The following CD2AP variants were observed in gnomAD, a reference collection of about 807,000 sequenced individuals.
CD2AP encodes the protein CD2-associated protein.
A neutral mutation model predicts 85.1 loss-of-function variants in CD2AP; 46 were observed. That is an observed-to-expected ratio of 0.54 (90% CI 0.43 to 0.69). The LOEUF is 0.69. Ranked by LOEUF, CD2AP falls within the 30% of genes least tolerant of loss-of-function variation. The pLI is 0.00. For missense variants in CD2AP, 769 were observed against 729.5 expected (o/e 1.05, Z -0.62); for synonymous variants, 255 against 252.9 (o/e 1.01, Z -0.08).
intron 3 of CD2AP, among the ~76,000 whole-genome samples, chr6:47,538,387 G>A (rs946584707): frequency 6.6e-6 from 1 of 151,756 alleles, no homozygotes; most frequent in Non-Finnish European, 1.5e-5. Flanking sequence ...GATTACAGGC[G>A]TGCACCACCA....
chr6:47,611,926 A>G (rs1490365962), intron 16 of CD2AP, among the ~76,000 whole-genome samples: 1 of 152,120 alleles, frequency 6.6e-6, no homozygotes, highest in Non-Finnish European at 1.5e-5. Flanking sequence ...AAAAAGGACA[A>G]CTATATAGAA....
At chr6:47,583,198 C>T (rs1228007902) in intron 11 of CD2AP, among the ~76,000 whole-genome samples, 1 of 152,110 alleles carries the variant, frequency 6.6e-6, no homozygotes, top group Non-Finnish European at 1.5e-5. Flanking sequence ...CACAATTTTT[C>T]CCACTGTTAA....
At chr6:47,577,479 CA>C (rs1353440838) in intron 8 of CD2AP, among the ~76,000 whole-genome samples, 1 of 151,502 alleles carries the variant, frequency 6.6e-6, no homozygotes, top group East Asian at 1.9e-4. Context: ...GTAATGTAAA[CA>C]GAAGAAAAAT....
intron 3 of CD2AP, among the ~76,000 whole-genome samples, chr6:47,543,148 C>CAAAAAAAAAAA (rs11338409): frequency 3.1e-4 from 19 of 60,330 alleles, no homozygotes; most frequent in African/African-American, 7.0e-4. Flanking sequence ...AAGACTGTCT[C>CAAAAAAAAAAA]AAAAAAAAAA....
At chr6:47,575,559 T>G (rs555503871) in intron 6 of CD2AP, among the ~76,000 whole-genome samples, 2 of 152,272 alleles carry the variant, frequency 1.3e-5, no homozygotes, top group East Asian at 3.9e-4. Context: ...ATATGGTGTT[T>G]AGAGTTGGGG....
At chr6:47,487,210 AT>A (rs761676625) in intron 1 of CD2AP, among the ~76,000 whole-genome samples, 5 of 152,242 alleles carry the variant, frequency 3.3e-5, no homozygotes, top group Non-Finnish European at 5.9e-5. Context: ...GATCAAAACA[AT>A]TTTTTTAATG....
chr6:47,498,137 CATT>C (rs972117657), intron 1 of CD2AP, among the ~76,000 whole-genome samples: 123 of 152,300 alleles, frequency 8.1e-4, no homozygotes, highest in African/African-American at 2.8e-3. Context: ...TGCTGGATAA[CATT>C]ATGTAATTTC....
At chr6:47,572,916 G>C (rs184560212) in intron 5 of CD2AP, among the ~76,000 whole-genome samples, 62 of 152,220 alleles carry the variant, frequency 4.1e-4, no homozygotes, top group African/African-American at 1.4e-3. Flanking sequence ...TGTTCTTACT[G>C]TTATTTTTTA....
intron 4 of CD2AP, among the ~76,000 whole-genome samples, chr6:47,552,190 T>C (rs2114058451): frequency 6.6e-6 from 1 of 152,172 alleles, no homozygotes; most frequent in African/African-American, 2.4e-5. Context: ...CAGGTGGTGT[T>C]TGGTTAGATG....
intron 12 of CD2AP, among the ~76,000 whole-genome samples, chr6:47,597,916 C>T (rs1235457631): frequency 6.6e-6 from 1 of 150,780 alleles, no homozygotes; most frequent in African/African-American, 2.4e-5. Flanking sequence ...CCCACCCACC[C>T]AGGACAGTGA....
At position 47,513,743 on chromosome 6, in the gene CD2AP, T is replaced by C. The variant is rs1256282813; in HGVS notation, c.165+10303T>C. 2.0e-5 allele frequency among the ~76,000 whole-genome samples: 3 copies of C among 152,190 alleles called. No individual in the cohort carries two copies. The East Asian group carries it at 5.8e-4, about 29-fold the overall frequency. On this transcript the variant is annotated intron_variant, in intron 2 of 17. Transcript: ENST00000359314. ...GCTATTAGAACTTCAGTAAACATCT[T>C]TTTTGGGGTATGTGTACAGCTGAAG...
rs1442399043 is a variant in CD2AP, at chr6:47,564,074, A to G, written c.541+9308A>G. On this transcript the variant is annotated intron_variant, in intron 5 of 17. Coordinates refer to ENST00000359314, the MANE Select transcript of CD2AP (RefSeq NM_012120.3). ...ATGTACTTTCACTATTTTATGTTAC[A>G]TTTATTTGAGAGTACTCGATAACAA... 2.6e-5 allele frequency among the ~76,000 whole-genome samples: 4 copies of G among 152,166 alleles called. No homozygotes were observed. The East Asian group carries it at 5.8e-4, about 22-fold the overall frequency.
intron 1 of CD2AP, among the ~76,000 whole-genome samples, chr6:47,495,454 C>T (rs1414383989): frequency 6.6e-6 from 1 of 152,152 alleles, no homozygotes; most frequent in African/African-American, 2.4e-5. Flanking sequence ...ATTTTGCCCT[C>T]TCGCCTCCCG....
chr6:47,535,199 T>G (rs559766270), intron 3 of CD2AP, among the ~76,000 whole-genome samples: 1 of 152,216 alleles, frequency 6.6e-6, no homozygotes, highest in Non-Finnish European at 1.5e-5. Flanking sequence ...ACTATCCTGC[T>G]GTTCAAGGTC....
Position 47,554,853 on chromosome 6 carries a change from T to C in CD2AP, c.541+87T>C, listed in dbSNP as rs368366749. 1.4e-5 allele frequency: 19 copies of C among 1,355,326 alleles called. No homozygotes were observed. In the East Asian group the frequency reaches 1.5e-4, roughly 11 times the overall value. 84.0% of individuals were successfully genotyped at this position (1,355,326 alleles called of 1,614,324 possible). ...TATTTTGTATTTTTTGAAACTCTGT[T>C]CTTTCTTTTGAACTTTGAGTCAGCT... is the stretch of plus-strand genomic sequence containing the variant. On this transcript the variant is annotated intron_variant, in intron 5 of 17. Transcript: ENST00000359314.
intron 9 of CD2AP, among the ~76,000 whole-genome samples, chr6:47,580,552 G>A (rs915754214): frequency 1.2e-4 from 18 of 152,056 alleles, no homozygotes; most frequent in African/African-American, 4.1e-4. Flanking sequence ...ATGGTACTTA[G>A]GAATCTTAAC....
At position 47,554,731 on chromosome 6, in the gene CD2AP, A is replaced by G. The variant is rs776930343; in HGVS notation, c.506A>G (p.Asp169Gly). The G allele has an allele frequency of 6.2e-7, 1 of 1,613,672 alleles. No individual in the cohort carries two copies. Among genetic ancestry groups the G allele is most frequent in the Non-Finnish European group, 8.5e-7 (1 of 1,179,716 alleles). ...SNFVKELEVT[D>G]DGETHEAQDD... The stretch of plus-strand genomic sequence containing the variant: ...TTTGTGAAAGAATTAGAGGTAACAG[A>G]TGATGGTGAAACTCATGAAGCCCAG... The change falls in exon 5 of 18, where the codon GAT (aspartate) becomes GGT (glycine). Residue 169 changes from aspartate to glycine, a missense_variant. Coordinates refer to ENST00000359314, the MANE Select transcript of CD2AP (RefSeq NM_012120.3).
chr6:47,606,125 A>G lies in CD2AP; in HGVS notation c.1418-40A>G, dbSNP rs183024229. The G allele has an allele frequency of 2.3e-4, 244 of 1,039,376 alleles. 1 individual carries two copies. The African/African-American group carries it at 2.8e-3, about 12-fold the overall frequency. 64.4% of individuals were successfully genotyped at this position (1,039,376 alleles called of 1,614,324 possible). A position where few individuals can be genotyped will look rare whatever the true frequency, so the allele number is the denominator to read the frequency against. Reference sequence around the variant, plus strand: ...CATTATTTTTTACCTTTAAAAAGGTACAGTTCTCTTAGTAAATAATGTTTA... The same window carrying G: ...CATTATTTTTTACCTTTAAAAAGGTGCAGTTCTCTTAGTAAATAATGTTTA... On this transcript the variant is annotated intron_variant, in intron 13 of 17. Coordinates refer to ENST00000359314, the MANE Select transcript of CD2AP (RefSeq NM_012120.3).
intron 6 of CD2AP, among the ~76,000 whole-genome samples, chr6:47,575,151 C>G (rs556974472): frequency 6.6e-6 from 1 of 152,264 alleles, no homozygotes; most frequent in African/African-American, 2.4e-5. Context: ...ATATTCCTAG[C>G]TCTGAGACTA....
Sources: allele counts gnomAD v4.1 joint callset (sites outside exome capture counted in the v4.1 genomes callset), GRCh38; gene constraint gnomAD v4.1.1; transcripts MANE v1.5; gene names NCBI Gene and HGNC (gene_info 2026-07-23, HGNC 2026-07-21).